The following CPT1A variants were observed in gnomAD, a reference collection of about 807,000 sequenced individuals.
CPT1A encodes carnitine O-palmitoyltransferase 1, liver isoform.
Under a neutral mutation model 100.8 loss-of-function variants are expected in CPT1A, and 64 were observed. The ratio of observed to expected loss-of-function variants is 0.63; its 90% CI spans 0.52 to 0.78. CPT1A has a LOEUF of 0.78. Ranked by LOEUF, CPT1A falls within the 30% of genes least tolerant of loss-of-function variation. The pLI, the probability that CPT1A is intolerant of heterozygous loss-of-function variation, is 0.00. For missense variants in CPT1A, 802 were observed against 1,034.1 expected, an observed-to-expected ratio of 0.78 and a Z score of 3.08; for synonymous variants, 363 against 396.0, an observed-to-expected ratio of 0.92 and a Z score of 0.99.
intron 1 of CPT1A, among the ~76,000 whole-genome samples, chr11:68,826,947 C>T (rs1856748815): frequency 1.3e-5 from 2 of 152,106 alleles, no homozygotes; most frequent in Middle Eastern, 3.4e-3. Context: ...GATGGGCAGA[C>T]GACAAGCCCA....
Position 68,761,155 on chromosome 11 carries a change from G to C in CPT1A, c.2028+380C>G, listed in dbSNP as rs540597573. Among the ~76,000 whole-genome samples the C allele has an allele frequency of 4.0e-5, 6 of 151,502 alleles. No individual in the cohort carries two copies. In the East Asian group the frequency reaches 1.2e-3, roughly 29 times the overall value. On this transcript the variant is annotated intron_variant, in intron 16 of 18. Coordinates refer to ENST00000265641, the MANE Select transcript of CPT1A (RefSeq NM_001876.4). ...GTCTAGGAGTTTGAGCCCAGCCTGG[G>C]CAACACTGTAAGACCCTGTCTCAAA... is the stretch of plus-strand genomic sequence containing the variant.
intron 4 of CPT1A, among the ~76,000 whole-genome samples, chr11:68,806,579 G>A (rs1229545301): frequency 6.7e-6 from 1 of 150,232 alleles, no homozygotes; most frequent in Non-Finnish European, 1.5e-5. Flanking sequence ...AGTGAGCCGT[G>A]ATGGTGCCAC....
chr11:68,809,333 TAAAC>T lies in CPT1A; in HGVS notation c.282-1699_282-1696del, dbSNP rs374754964. On this transcript the variant is annotated intron_variant, in intron 3 of 18. Transcript: ENST00000265641. ...TTGCAAAAATAAAAATATTTTAGCA[TAAAC>T]AAATAAATGACACATTCAAGATTTT... Among the ~76,000 whole-genome samples, 906 of 152,284 alleles carry T rather than the reference TAAAC, an allele frequency of 5.9e-3. 12 individuals are homozygous for T. The highest frequency in any genetic ancestry group is 0.021 in the African/African-American group (862 of 41,570).
At chr11:68,836,282 C>T (rs1044863998) in intron 1 of CPT1A, among the ~76,000 whole-genome samples, 2 of 152,090 alleles carry the variant, frequency 1.3e-5, no homozygotes, top group Admixed American at 1.3e-4. Context: ...TCAAGACCAG[C>T]CTGGGCAACA....
chr11:68,805,356 TGA>T (rs1856011329), intron 4 of CPT1A, among the ~76,000 whole-genome samples: 1 of 150,702 alleles, frequency 6.6e-6, no homozygotes. Flanking sequence ...GAGGCTGAGG[TGA>T]GAGAATCGCT....
chr11:68,814,576 G>A (rs1004005870), intron 2 of CPT1A, among the ~76,000 whole-genome samples: 4 of 152,190 alleles, frequency 2.6e-5, no homozygotes, highest in Non-Finnish European at 2.9e-5. Context: ...CCAAAGTGCT[G>A]GGATTACAGG....
chr11:68,787,842 T>A lies in CPT1A; in HGVS notation c.968-2832A>T, dbSNP rs1389763779. 5.4e-5 allele frequency among the ~76,000 whole-genome samples: 8 copies of A among 149,458 alleles called. No homozygotes were observed. The Admixed American group carries it at 5.4e-4, about 10-fold the overall frequency. On this transcript the variant is annotated intron_variant, in intron 9 of 18. Coordinates refer to ENST00000265641, the MANE Select transcript of CPT1A (RefSeq NM_001876.4). ...ACCTGTAGTCCCAGCTACTTGGGAGTCTGGAGCAGGAGAATCACTTGAACC... is the reference window on the plus strand; with the variant it reads ...ACCTGTAGTCCCAGCTACTTGGGAGACTGGAGCAGGAGAATCACTTGAACC...
intron 3 of CPT1A, among the ~76,000 whole-genome samples, chr11:68,810,841 C>G (rs1279014630): frequency 6.6e-6 from 1 of 151,910 alleles, no homozygotes; most frequent in Non-Finnish European, 1.5e-5. Context: ...AAAAATTAGC[C>G]AGGCATGGTG....
chr11:68,829,060 C>T (rs1313577005), intron 1 of CPT1A, among the ~76,000 whole-genome samples: 2 of 152,170 alleles, frequency 1.3e-5, no homozygotes, highest in African/African-American at 4.8e-5. Flanking sequence ...ATGAATCTCA[C>T]CACCTGTCCA....
At chr11:68,837,932 G>T (rs867850255) in intron 1 of CPT1A, among the ~76,000 whole-genome samples, 2 of 152,180 alleles carry the variant, frequency 1.3e-5, no homozygotes, top group Non-Finnish European at 2.9e-5. Context: ...GAATGTAAGG[G>T]TGAGTTAGGA....
intron 8 of CPT1A, among the ~76,000 whole-genome samples, chr11:68,794,430 G>A (rs1395831567): frequency 6.6e-6 from 1 of 151,382 alleles, no homozygotes; most frequent in East Asian, 1.9e-4. Context: ...TTTTTTTTGA[G>A]ATGGAGTTTT....
chr11:68,795,704 G>A lies in CPT1A; in HGVS notation c.772-793C>T, dbSNP rs562202764. Among the ~76,000 whole-genome samples the A allele has an allele frequency of 1.2e-4, 19 of 152,316 alleles. No homozygotes were observed. In the East Asian group the frequency reaches 3.5e-3, roughly 28 times the overall value. ...GCGCACGGATCACCTGAAGTCAGGA[G>A]TTTGAGACTAGCCTGGCCAACATGG... On this transcript the variant is annotated intron_variant, in intron 7 of 18. Coordinates refer to ENST00000265641, the MANE Select transcript of CPT1A (RefSeq NM_001876.4).
Position 68,841,765 on chromosome 11 carries a change from C to T in CPT1A, c.-14+10G>A. On this transcript the variant is annotated intron_variant, in intron 1 of 18. Coordinates refer to ENST00000265641, the MANE Select transcript of CPT1A (RefSeq NM_001876.4). The surrounding 1 kb of genome is among the most constrained non-coding windows in gnomAD (Gnocchi z 6.3). ...CGCCACCCTCCCCACCGCGGGCGAC[C>T]GGGCCTCACCGAGTCAGCTACGGAG... 1.0e-6 allele frequency: 1 copy of T among 982,658 alleles called. No homozygotes were observed. Among genetic ancestry groups the T allele is most frequent in the Non-Finnish European group, 1.2e-6 (1 of 827,482 alleles). The allele number at this position is 982,658 out of a possible 1,614,324, so 60.9% of individuals were successfully genotyped here.
intron 11 of CPT1A, 23 bp from the exon 12 acceptor site, chr11:68,780,768 G>A (rs776501678): frequency 6.3e-7 from 1 of 1,597,744 alleles, no homozygotes. Flanking sequence ...CACATGTGTG[G>A]AACTTAAGTG....
chr11:68,766,158 T>C (rs1375309073), intron 14 of CPT1A, among the ~76,000 whole-genome samples: 2 of 151,736 alleles, frequency 1.3e-5, no homozygotes, highest in Admixed American at 1.3e-4. Flanking sequence ...CTTTATAAAA[T>C]GAAATACACA....
intron 14 of CPT1A, among the ~76,000 whole-genome samples, chr11:68,764,941 C>T (rs958530120): frequency 3.3e-5 from 5 of 152,210 alleles, no homozygotes; most frequent in African/African-American, 1.2e-4. Flanking sequence ...CCTTGGGGAG[C>T]TCTCTTCCCC....
At chr11:68,806,217 C>T (rs911806035) in intron 4 of CPT1A, among the ~76,000 whole-genome samples, 1 of 151,946 alleles carries the variant, frequency 6.6e-6, no homozygotes, top group African/African-American at 2.4e-5. Context: ...TTAGTAGAGA[C>T]GTCTTTTTGC....
chr11:68,779,621 C>T (rs143559268), intron 12 of CPT1A, among the ~76,000 whole-genome samples: 2 of 151,254 alleles, frequency 1.3e-5, no homozygotes, highest in African/African-American at 4.8e-5. Context: ...CATGGGGAAA[C>T]CTTGTTTCTA....
chr11:68,774,482 G>T (rs1183151486), intron 13 of CPT1A, among the ~76,000 whole-genome samples: 1 of 151,560 alleles, frequency 6.6e-6, no homozygotes, highest in Non-Finnish European at 1.5e-5. Context: ...TCCCTCTGTT[G>T]CCCAGGCTGG....
Sources: gnomAD v4.1 joint callset for allele counts (sites outside exome capture counted in the v4.1 genomes callset) on GRCh38, gnomAD v4.1.1 for gene constraint, Gnocchi (gnomAD v3.1) non-coding constraint, MANE v1.5 for transcripts, NCBI Gene and HGNC (gene_info 2026-07-23, HGNC 2026-07-21) for gene names.